Variants in TBC1D1 observed in about 807,000 individuals in gnomAD.
The protein encoded by TBC1D1 is TBC1 (tre-2/USP6, BUB2, cdc16) domain family, member 1.
Under a neutral mutation model 125.6 loss-of-function variants are expected in TBC1D1, and 89 were observed. That is an observed-to-expected ratio of 0.71 (90% confidence interval 0.60 to 0.85). The LOEUF is 0.85. TBC1D1 is among the 40% of genes least tolerant of loss of function. The pLI, the probability that TBC1D1 is intolerant of heterozygous loss-of-function variation, is 0.00. For missense variants in TBC1D1, 1,377 were observed against 1,469.2 expected (o/e 0.94, Z 1.03); for synonymous variants, 565 against 564.1 (o/e 1.00, Z -0.02).
intron 2 of TBC1D1, among the ~76,000 whole-genome samples, chr4:38,000,171 T>C (rs1352920275): frequency 6.6e-6 from 1 of 152,224 alleles, no homozygotes; most frequent in Non-Finnish European, 1.5e-5. Context: ...TATTCATATA[T>C]GCAATACATA....
At chr4:38,036,905 C>T (rs1216318780) in intron 8 of TBC1D1, among the ~76,000 whole-genome samples, 5 of 152,158 alleles carry the variant, frequency 3.3e-5, no homozygotes, top group African/African-American at 1.2e-4. Flanking sequence ...CTCTCCTGTT[C>T]ATTTTTGGAT....
intron 18 of TBC1D1, among the ~76,000 whole-genome samples, chr4:38,125,982 T>C (rs964391397): frequency 6.6e-6 from 1 of 152,356 alleles, no homozygotes; most frequent in South Asian, 2.1e-4. Context: ...CAGATAGTCA[T>C]GTGTCACTTA....
intron 2 of TBC1D1, among the ~76,000 whole-genome samples, chr4:37,931,001 A>G (rs997060098): frequency 2.0e-5 from 3 of 152,234 alleles, no homozygotes; most frequent in African/African-American, 7.2e-5. Flanking sequence ...TACTGAGTTT[A>G]TGAGAGAATA....
intron 15 of TBC1D1, 90 bp from the exon 18 acceptor site, chr4:38,115,620 C>T (rs1762857454): frequency 1.4e-6 from 2 of 1,390,012 alleles, no homozygotes; most frequent in Non-Finnish European, 2.0e-6. Context: ...AAAGATTTTG[C>T]TGCTTAATCT....
At chr4:37,929,785 C>T (rs577764190) in intron 2 of TBC1D1, among the ~76,000 whole-genome samples, 1 of 152,260 alleles carries the variant, frequency 6.6e-6, no homozygotes, top group South Asian at 2.1e-4. Context: ...TGAACTATGT[C>T]AATGAGTCTG....
At chr4:37,943,481 C>T (rs1487920606) in intron 2 of TBC1D1, among the ~76,000 whole-genome samples, 3 of 152,338 alleles carry the variant, frequency 2.0e-5, no homozygotes, top group Admixed American at 6.5e-5. Flanking sequence ...ACCAATCAGA[C>T]GTAGATTTCA....
intron 2 of TBC1D1, among the ~76,000 whole-genome samples, chr4:37,961,381 T>C (rs1442811570): frequency 1.3e-5 from 2 of 152,164 alleles, no homozygotes; most frequent in Admixed American, 1.3e-4. Flanking sequence ...AGGGAGATAA[T>C]TAAAAGAATG....
intron 15 of TBC1D1, among the ~76,000 whole-genome samples, chr4:38,114,476 G>A (rs1412105946): frequency 6.6e-6 from 1 of 152,220 alleles, no homozygotes; most frequent in Non-Finnish European, 1.5e-5. Flanking sequence ...AATAATTGCA[G>A]TGAACAATTA....
intron 3 of TBC1D1, among the ~76,000 whole-genome samples, chr4:38,018,095 G>A (rs1743200101): frequency 6.6e-6 from 1 of 152,198 alleles, no homozygotes; most frequent in African/African-American, 2.4e-5. Context: ...TTAGGGGGAT[G>A]TGTGGATCTT....
At chr4:38,040,218 C>T (rs2152463749) in intron 8 of TBC1D1, among the ~76,000 whole-genome samples, 1 of 152,234 alleles carries the variant, frequency 6.6e-6, no homozygotes, top group East Asian at 1.9e-4. Context: ...CATACAAATG[C>T]ACTTCTGTCT....
At chr4:37,992,033 AG>A in intron 2 of TBC1D1, among the ~76,000 whole-genome samples, 1 of 152,258 alleles carries the variant, frequency 6.6e-6, no homozygotes, top group South Asian at 2.1e-4. Context: ...GAAATAAGGC[AG>A]GAAGAGTTGA....
In TBC1D1 at chr4:38,014,795, C is replaced by CA. The variant is rs1560621279; in HGVS notation, c.704_705insA (p.Phe236LeufsTer12). The CA allele has an allele frequency of 6.3e-7, 1 of 1,583,098 alleles. No individual in the cohort carries two copies. Among genetic ancestry groups the CA allele is most frequent in the Non-Finnish European group, 8.6e-7 (1 of 1,161,016 alleles). Reference sequence around the variant, plus strand: ...CCTGTGCGCAGGCCCATGCGCAAGTCCTTCTCCCAGCCCGGCCTGCGCTCG... The same window carrying CA: ...CCTGTGCGCAGGCCCATGCGCAAGTCACTTCTCCCAGCCCGGCCTGCGCTCG... On this transcript the variant is annotated frameshift_variant, in exon 3 of 20. Transcript: ENST00000261439. LOFTEE classifies it high-confidence loss of function. The surrounding 1 kb of genome is among the most constrained non-coding windows in gnomAD (Gnocchi z 5.1).
intron 2 of TBC1D1, among the ~76,000 whole-genome samples, chr4:37,993,866 G>C (rs1204279198): frequency 6.6e-6 from 1 of 152,238 alleles, no homozygotes; most frequent in Non-Finnish European, 1.5e-5. Flanking sequence ...AAGGGCGTGA[G>C]CCACCGCGCC....
chr4:38,038,573 G>A (rs533650398), intron 8 of TBC1D1, among the ~76,000 whole-genome samples: 5 of 152,242 alleles, frequency 3.3e-5, no homozygotes, highest in African/African-American at 9.6e-5. Context: ...GGTAGGTTAT[G>A]CAAATCTTAA....
chr4:38,046,846 G>A (rs909648946), intron 10 of TBC1D1, among the ~76,000 whole-genome samples: 1 of 152,142 alleles, frequency 6.6e-6, no homozygotes, highest in Non-Finnish European at 1.5e-5. Flanking sequence ...TTGTGCTAGG[G>A]AGGCCAGCTT....
At chr4:38,021,219 C>T (rs554312166) in intron 5 of TBC1D1, among the ~76,000 whole-genome samples, 3 of 152,278 alleles carry the variant, frequency 2.0e-5, no homozygotes, top group East Asian at 1.9e-4. Flanking sequence ...CATCAGATCT[C>T]GTGAGATTTA....
intron 2 of TBC1D1, chr4:37,996,143 G>A (rs931237253): frequency 3.3e-5 from 15 of 455,714 alleles, no homozygotes; most frequent in Middle Eastern, 7.2e-4. Context: ...AAAAGCTCTT[G>A]CCTGAAGACA....
At chr4:38,119,583 A>G (rs1312018233) in intron 17 of TBC1D1, among the ~76,000 whole-genome samples, 2 of 152,190 alleles carry the variant, frequency 1.3e-5, no homozygotes, top group African/African-American at 2.4e-5. Flanking sequence ...AAAGAGTTAC[A>G]GAAACTAAAA....
At chr4:38,028,443 C>T (rs12650091) in intron 7 of TBC1D1, among the ~76,000 whole-genome samples, 8 of 152,280 alleles carry the variant, frequency 5.3e-5, no homozygotes, top group South Asian at 2.1e-4. Context: ...GGATTACAGG[C>T]GTGAGCCACC....
Sources: gnomAD v4.1 joint callset for allele counts (sites outside exome capture counted in the v4.1 genomes callset) on GRCh38, gnomAD v4.1.1 for gene constraint, Gnocchi (gnomAD v3.1) non-coding constraint, MANE v1.5 for transcripts, NCBI Gene and HGNC (gene_info 2026-07-23, HGNC 2026-07-21) for gene names.